The following PCDH15 variants were observed in gnomAD, a reference collection of about 807,000 sequenced individuals.
PCDH15 encodes protocadherin related 15, also known as protocadherin-15.
PCDH15 carries 129 observed loss-of-function variants against 178.5 expected under a neutral mutation model. That is an observed-to-expected ratio of 0.72 (90% confidence interval 0.63 to 0.84). The LOEUF is 0.84. PCDH15 is among the 40% of genes least tolerant of loss of function. PCDH15 has a pLI of 0.00. For missense variants in PCDH15, 2,230 were observed against 2,099.9 expected (o/e 1.06, Z -1.21); for synonymous variants, 800 against 732.0 (o/e 1.09, Z -1.50).
intron 28 of PCDH15, among the ~76,000 whole-genome samples, chr10:53,853,751 A>T (rs752848610): frequency 1.2e-4 from 19 of 152,012 alleles, no homozygotes; most frequent in Non-Finnish European, 2.1e-4. Flanking sequence ...TACTACGTAT[A>T]AAAAAGGAAA....
intron 2 of PCDH15, among the ~76,000 whole-genome samples, chr10:54,928,476 G>A (rs186491005): frequency 5.2e-4 from 79 of 152,216 alleles, no homozygotes; most frequent in African/African-American, 1.9e-3. Flanking sequence ...GAATTTAAAT[G>A]TTGGCCTTTC....
intron 20 of PCDH15, among the ~76,000 whole-genome samples, chr10:54,013,041 G>T (rs572104613): frequency 6.6e-6 from 1 of 151,996 alleles, no homozygotes; most frequent in Admixed American, 6.6e-5. Context: ...ACATCCATAG[G>T]CCCAAAGTAA....
At chr10:55,604,436 A>G (rs1236469027) in intron 2 of PCDH15, among the ~76,000 whole-genome samples, 1 of 151,954 alleles carries the variant, frequency 6.6e-6, no homozygotes, top group Admixed American at 6.6e-5. Flanking sequence ...TATCAACGGA[A>G]TATACATTTT....
chr10:53,827,691 T>A, intron 31 of PCDH15, 143 bp from the exon 32 acceptor site: 1 of 1,005,898 alleles, frequency 9.9e-7, no homozygotes, highest in Non-Finnish European at 1.5e-6. Flanking sequence ...TAAACAGATG[T>A]AATTACAAAA....
intron 15 of PCDH15, among the ~76,000 whole-genome samples, chr10:54,130,370 C>T (rs768103964): frequency 6.6e-6 from 1 of 152,116 alleles, no homozygotes; most frequent in Non-Finnish European, 1.5e-5. Context: ...CTGGCTCTCA[C>T]GATTTCGGCG....
At chr10:53,812,789 G>A (rs996518633) in intron 35 of PCDH15, among the ~76,000 whole-genome samples, 3 of 152,202 alleles carry the variant, frequency 2.0e-5, no homozygotes, top group East Asian at 1.9e-4. Context: ...AGAAGAGAGG[G>A]GGGAAAAGGA....
chr10:54,190,142 A>T (rs376645808), intron 11 of PCDH15, among the ~76,000 whole-genome samples: 2 of 152,176 alleles, frequency 1.3e-5, no homozygotes, highest in East Asian at 3.9e-4. Context: ...TTCACTTTCC[A>T]CTAAATTAAA....
intron 26 of PCDH15, among the ~76,000 whole-genome samples, chr10:53,868,241 C>T (rs866960081): frequency 5.3e-5 from 8 of 150,512 alleles, no homozygotes; most frequent in African/African-American, 1.5e-4. Flanking sequence ...TTTTATTATC[C>T]GATTATTCTT....
intron 2 of PCDH15, among the ~76,000 whole-genome samples, chr10:55,011,401 C>A (rs927724830): frequency 4.6e-5 from 7 of 151,984 alleles, no homozygotes; most frequent in African/African-American, 1.7e-4. Context: ...TTTATAATGT[C>A]AAATATACTT....
At chr10:54,538,256 T>C (rs1056154749) in intron 2 of PCDH15, among the ~76,000 whole-genome samples, 9 of 152,170 alleles carry the variant, frequency 5.9e-5, no homozygotes, top group African/African-American at 2.2e-4. Flanking sequence ...GGTCTTACAC[T>C]TAAACTTTTA....
At chr10:54,782,103 A>T (rs553969357) in intron 1 of PCDH15, among the ~76,000 whole-genome samples, 15 of 152,198 alleles carry the variant, frequency 9.9e-5, no homozygotes, top group Admixed American at 2.0e-4. Flanking sequence ...AATCTTTCAA[A>T]GTATTCCATG....
At chr10:54,727,008 T>C (rs562522884) in intron 1 of PCDH15, among the ~76,000 whole-genome samples, 28 of 151,424 alleles carry the variant, frequency 1.8e-4, no homozygotes, top group Non-Finnish European at 3.5e-4. Context: ...ACATTAACCA[T>C]GGAAATGTCT....
intron 2 of PCDH15, among the ~76,000 whole-genome samples, chr10:55,079,690 C>A (rs61378508): frequency 3.3e-4 from 51 of 152,248 alleles, no homozygotes; most frequent in African/African-American, 1.2e-3. Flanking sequence ...AATGGGATGA[C>A]TCTCTGGGTT....
chr10:55,262,994 G>A (rs1255234812), intron 1 of PCDH15, among the ~76,000 whole-genome samples: 1 of 152,144 alleles, frequency 6.6e-6, no homozygotes, highest in Non-Finnish European at 1.5e-5. Flanking sequence ...TCCCCTAGAG[G>A]TTTGAACAGT....
At chr10:54,677,284 G>A (rs1480911510) in intron 1 of PCDH15, among the ~76,000 whole-genome samples, 1 of 152,130 alleles carries the variant, frequency 6.6e-6, no homozygotes, top group Non-Finnish European at 1.5e-5. Context: ...AGAGGCTGAT[G>A]GGGGAGGATG....
intron 3 of PCDH15, among the ~76,000 whole-genome samples, chr10:54,444,788 G>A (rs1466800013): frequency 7.9e-5 from 12 of 151,636 alleles, no homozygotes; most frequent in Admixed American, 6.6e-4. Context: ...TTAGTCTAGT[G>A]CCTGGCATTT....
At chr10:54,767,803 C>T (rs1309432094) in intron 1 of PCDH15, among the ~76,000 whole-genome samples, 1 of 152,064 alleles carries the variant, frequency 6.6e-6, no homozygotes, top group East Asian at 1.9e-4. Context: ...TCAAGGTCAT[C>T]AAAAACAAAG....
chr10:54,611,667 C>T (rs190591258), intron 2 of PCDH15, among the ~76,000 whole-genome samples: 28 of 151,844 alleles, frequency 1.8e-4, no homozygotes, highest in African/African-American at 6.5e-4. Flanking sequence ...AAGAGAGCAA[C>T]CAAATCAAGA....
intron 1 of PCDH15, among the ~76,000 whole-genome samples, chr10:54,686,739 C>T (rs2095019238): frequency 6.6e-6 from 1 of 152,044 alleles, no homozygotes; most frequent in South Asian, 2.1e-4. Flanking sequence ...AGTTCTGTAT[C>T]ATATTCCAGT....
Sources: allele counts gnomAD v4.1 joint callset (sites outside exome capture counted in the v4.1 genomes callset), GRCh38; gene constraint gnomAD v4.1.1; transcripts MANE v1.5; gene names NCBI Gene and HGNC (gene_info 2026-07-23, HGNC 2026-07-21).